Variants in DLG2 observed in about 807,000 individuals in gnomAD.
DLG2 encodes discs large MAGUK scaffold protein 2.
Under a neutral mutation model 132.5 loss-of-function variants are expected in DLG2, and 45 were observed. That is an observed-to-expected ratio of 0.34 (90% CI 0.27 to 0.44). The LOEUF is 0.44. Among genes scored for constraint, DLG2 ranks in the 20% least tolerant of loss-of-function variants. The pLI is 1.00. For synonymous variants in DLG2, 424 were observed against 419.6 expected (o/e 1.01, Z -0.13); for missense variants, 1,045 against 1,196.9 (o/e 0.87, Z 1.87).
At chr11:84,519,258 G>A (rs1369778271) in intron 7 of DLG2, among the ~76,000 whole-genome samples, 1 of 152,136 alleles carries the variant, frequency 6.6e-6, no homozygotes, top group African/African-American at 2.4e-5. Flanking sequence ...TCTATGAAGA[G>A]TCTAGCCACA....
chr11:85,323,111 C>T (rs2081195139), intron 3 of DLG2, among the ~76,000 whole-genome samples: 1 of 152,208 alleles, frequency 6.6e-6, no homozygotes, highest in Non-Finnish European at 1.5e-5. Context: ...TTTTCCTTCA[C>T]TCTGTACCAT....
At chr11:85,471,591 A>G (rs2092986394) in intron 3 of DLG2, among the ~76,000 whole-genome samples, 1 of 152,210 alleles carries the variant, frequency 6.6e-6, no homozygotes, top group African/African-American at 2.4e-5. Context: ...CTTAAGTTTG[A>G]AAGCTGTTAG....
Position 84,667,500 on chromosome 11 carries a change from T to TTTG in DLG2, c.358-132770_358-132769insCAA, listed in dbSNP as rs1555150348. The stretch of plus-strand genomic sequence containing the variant: ...TTTGTTTTTGTTTTTTGTTTTTTGT[T>TTTG]TTTTTTTTTTTTTTGAGTCATAGTC... On this transcript the variant is annotated intron_variant, in intron 6 of 27. Transcript: ENST00000376104. 5.3e-5 allele frequency among the ~76,000 whole-genome samples: 6 copies of TTTG among 114,080 alleles called. 1 individual carries two copies. Among genetic ancestry groups the TTTG allele is most frequent in the African/African-American group, 2.1e-4 (6 of 29,216 alleles). The allele number at this position is 114,080 out of a possible 152,430, so 74.8% of individuals were successfully genotyped here.
At chr11:84,064,827 T>C (rs1369891027) in intron 10 of DLG2, among the ~76,000 whole-genome samples, 1 of 152,006 alleles carries the variant, frequency 6.6e-6, no homozygotes, top group Admixed American at 6.6e-5. Flanking sequence ...AAGAAAAATA[T>C]AAAAATAGAG....
intron 15 of DLG2, among the ~76,000 whole-genome samples, chr11:83,899,381 G>A (rs2072750669): frequency 6.6e-6 from 1 of 152,198 alleles, no homozygotes; most frequent in Non-Finnish European, 1.5e-5. Context: ...TTCTGGAGGT[G>A]TGAAGTGATG....
At chr11:84,792,161 A>G (rs1269951341) in intron 6 of DLG2, among the ~76,000 whole-genome samples, 1 of 152,180 alleles carries the variant, frequency 6.6e-6, no homozygotes, top group African/African-American at 2.4e-5. Context: ...GAATTTTATC[A>G]AATGCTTTTT....
chr11:85,570,930 C>G (rs1345901992), intron 3 of DLG2, among the ~76,000 whole-genome samples: 2 of 151,940 alleles, frequency 1.3e-5, no homozygotes, highest in Non-Finnish European at 2.9e-5. Context: ...ACTTTTCAAA[C>G]CAGAATTCCT....
chr11:85,162,819 TTG>T (rs1304489115), intron 4 of DLG2, among the ~76,000 whole-genome samples: 2 of 152,190 alleles, frequency 1.3e-5, no homozygotes, highest in African/African-American at 4.8e-5. Context: ...AGGGGTGGAC[TTG>T]TGATGGTTAA....
chr11:84,620,521 T>G (rs2099612000), intron 6 of DLG2, among the ~76,000 whole-genome samples: 1 of 151,864 alleles, frequency 6.6e-6, no homozygotes, highest in South Asian at 2.1e-4. Flanking sequence ...AAAGAACTCT[T>G]AAAAATCAAT....
chr11:84,910,983 G>T (rs1257602077), intron 6 of DLG2, among the ~76,000 whole-genome samples: 1 of 152,024 alleles, frequency 6.6e-6, no homozygotes, highest in Non-Finnish European at 1.5e-5. Context: ...GGGTCTGGAA[G>T]GACAAGACAA....
Position 85,320,102 on chromosome 11 carries a change from G to A in DLG2, c.41-34737C>T, listed in dbSNP as rs2080955583. On this transcript the variant is annotated intron_variant, in intron 3 of 27. Transcript: ENST00000376104. ...ACTAAGCCATGTGCTAGCAGCACATGCCATCTTATAGACTACATCCCTCAG... is the reference window on the plus strand; with the variant it reads ...ACTAAGCCATGTGCTAGCAGCACATACCATCTTATAGACTACATCCCTCAG... 1.3e-5 allele frequency among the ~76,000 whole-genome samples: 2 copies of A among 151,840 alleles called. 1 individual carries two copies. The highest frequency in any genetic ancestry group is 4.8e-5 in the African/African-American group (2 of 41,426).
At chr11:85,435,295 T>C (rs1298434131) in intron 3 of DLG2, among the ~76,000 whole-genome samples, 4 of 152,110 alleles carry the variant, frequency 2.6e-5, no homozygotes, top group African/African-American at 4.8e-5. Flanking sequence ...CTATTCAACA[T>C]AGTGTTGGAA....
At chr11:84,660,164 T>A (rs555815718) in intron 6 of DLG2, among the ~76,000 whole-genome samples, 1 of 152,106 alleles carries the variant, frequency 6.6e-6, no homozygotes, top group African/African-American at 2.4e-5. Flanking sequence ...CCATTAAAAA[T>A]CACAGTGTTA....
At chr11:84,616,589 A>G (rs2154539828) in intron 6 of DLG2, among the ~76,000 whole-genome samples, 1 of 152,252 alleles carries the variant, frequency 6.6e-6, no homozygotes, top group East Asian at 1.9e-4. Flanking sequence ...AAAGAGTCCT[A>G]AATTTTAAAT....
intron 6 of DLG2, among the ~76,000 whole-genome samples, chr11:84,858,351 G>T (rs1347666793): frequency 6.6e-6 from 1 of 152,038 alleles, no homozygotes; most frequent in East Asian, 1.9e-4. Context: ...TACACAAAGT[G>T]CAACTTCTGA....
At chr11:85,502,059 A>C (rs997600771) in intron 3 of DLG2, among the ~76,000 whole-genome samples, 1 of 152,226 alleles carries the variant, frequency 6.6e-6, no homozygotes, top group African/African-American at 2.4e-5. Context: ...AAAATGTGGC[A>C]CATATACTCC....
intron 6 of DLG2, among the ~76,000 whole-genome samples, chr11:84,711,678 G>A (rs570458040): frequency 7.2e-5 from 11 of 152,120 alleles, no homozygotes; most frequent in African/African-American, 2.4e-4. Context: ...GGCAGGAGGA[G>A]CTCCCTCTTA....
chr11:85,333,029 A>T (rs909814171), intron 3 of DLG2, among the ~76,000 whole-genome samples: 2 of 152,140 alleles, frequency 1.3e-5, no homozygotes, highest in African/African-American at 4.8e-5. Context: ...GAATCTTTAC[A>T]TTCCTTTGAT....
At chr11:83,820,669 C>A (rs2050518334) in intron 17 of DLG2, among the ~76,000 whole-genome samples, 1 of 152,020 alleles carries the variant, frequency 6.6e-6, no homozygotes, top group Admixed American at 6.6e-5. Flanking sequence ...ATACTGTGGG[C>A]CTGACAACTG....
Sources: gnomAD v4.1 joint callset for allele counts (sites outside exome capture counted in the v4.1 genomes callset) on GRCh38, gnomAD v4.1.1 for gene constraint, MANE v1.5 for transcripts, NCBI Gene and HGNC (gene_info 2026-07-23, HGNC 2026-07-21) for gene names.